The following ROBO2 variants were observed in gnomAD, a reference collection of about 807,000 sequenced individuals.
The protein encoded by ROBO2 is roundabout homolog 2.
In ROBO2, 53 loss-of-function variants were observed where a neutral mutation model predicts 160.8. The ratio of observed to expected loss-of-function variants is 0.33; its 90% CI spans 0.26 to 0.41. The LOEUF (loss-of-function observed/expected upper bound fraction) is 0.41, where lower values mean the gene tolerates loss of function less well. Ranked by LOEUF, ROBO2 falls within the 10% of genes least tolerant of loss-of-function variation. The pLI, the probability that ROBO2 is intolerant of heterozygous loss-of-function variation, is 1.00. For synonymous variants in ROBO2, 664 were observed against 611.7 expected (o/e 1.09, Z -1.26); for missense variants, 1,577 against 1,722.4 (o/e 0.92, Z 1.49).
At chr3:76,434,615 G>T (rs1461711748) in intron 2 of ROBO2, 10 of 1,498,256 alleles carry the variant, frequency 6.7e-6, no homozygotes, top group Non-Finnish European at 8.4e-6. Flanking sequence ...TGGACTGCCT[G>T]GAGCAAAACG....
chr3:77,141,020 A>G (rs1452465971), intron 2 of ROBO2, among the ~76,000 whole-genome samples: 1 of 152,206 alleles, frequency 6.6e-6, no homozygotes, highest in African/African-American at 2.4e-5. Context: ...GTAATAGGAC[A>G]TTCATTGTCA....
intron 5 of ROBO2, among the ~76,000 whole-genome samples, chr3:77,516,121 T>A (rs533787966): frequency 2.6e-5 from 4 of 151,774 alleles, no homozygotes; most frequent in Non-Finnish European, 5.9e-5. Flanking sequence ...TAGACTTTAA[T>A]GAAGTTCTTT....
chr3:77,081,428 T>C (rs758698629), intron 1 of ROBO2, among the ~76,000 whole-genome samples: 14 of 152,162 alleles, frequency 9.2e-5, no homozygotes, highest in Non-Finnish European at 2.1e-4. Flanking sequence ...AGGATAGCCA[T>C]GAAGAAATGC....
At chr3:77,340,366 A>C (rs768790090) in intron 2 of ROBO2, among the ~76,000 whole-genome samples, 12 of 152,082 alleles carry the variant, frequency 7.9e-5, no homozygotes, top group Non-Finnish European at 1.3e-4. Context: ...ATGTCTCCTA[A>C]CATGGATTTG....
At chr3:76,600,129 A>G (rs991990637) in intron 2 of ROBO2, among the ~76,000 whole-genome samples, 29 of 152,130 alleles carry the variant, frequency 1.9e-4, no homozygotes, top group African/African-American at 5.8e-4. Context: ...ATTCCTATGT[A>G]CAGAATGGTA....
intron 2 of ROBO2, among the ~76,000 whole-genome samples, chr3:76,172,779 A>G (rs2073090747): frequency 6.6e-6 from 1 of 152,154 alleles, no homozygotes. Flanking sequence ...ACAATTTAAA[A>G]AATAGAAATT....
intron 2 of ROBO2, among the ~76,000 whole-genome samples, chr3:77,181,980 G>A (rs951125861): frequency 2.6e-5 from 4 of 151,982 alleles, no homozygotes; most frequent in African/African-American, 9.7e-5. Context: ...CACAAAATCA[G>A]TATGATTTTA....
rs990514983 is a variant in ROBO2 at position 77,040,494 on chromosome 3, A to G, written c.-292A>G. 27 of 1,299,984 alleles carry G rather than the reference A, an allele frequency of 2.1e-5. No homozygotes were observed. The African/African-American group carries it at 3.6e-4, about 17-fold the overall frequency. The allele number at this position is 1,299,984 out of a possible 1,614,324, so 80.5% of individuals were successfully genotyped here. A position where few individuals can be genotyped will look rare whatever the true frequency, so the allele number is the denominator to read the frequency against. ...AGCCTAAGGAGAGAGGGTTAGACACACTCGAATAATCCCTCTGGCTGGGCT... is the reference window on the plus strand; with the variant it reads ...AGCCTAAGGAGAGAGGGTTAGACACGCTCGAATAATCCCTCTGGCTGGGCT... On this transcript the variant is annotated 5_prime_UTR_variant, in exon 1 of 26. Transcript: ENST00000461745.
At chr3:76,434,029 G>T in intron 2 of ROBO2, 1 of 1,223,502 alleles carries the variant, frequency 8.2e-7, no homozygotes. Context: ...TGGCTGACAT[G>T]CAAAATCTGG....
intron 2 of ROBO2, among the ~76,000 whole-genome samples, chr3:77,017,442 T>C (rs527377908): frequency 6.6e-6 from 1 of 152,324 alleles, no homozygotes; most frequent in South Asian, 2.1e-4. Context: ...ATTAAATGTA[T>C]ATTAAGTAGA....
intron 2 of ROBO2, among the ~76,000 whole-genome samples, chr3:76,964,286 A>G (rs1385346634): frequency 6.6e-6 from 1 of 152,084 alleles, no homozygotes; most frequent in Admixed American, 6.6e-5. Flanking sequence ...TAATTATTTG[A>G]TCACCTTTTG....
At chr3:77,219,191 A>G (rs1220524757) in intron 2 of ROBO2, among the ~76,000 whole-genome samples, 1 of 151,608 alleles carries the variant, frequency 6.6e-6, no homozygotes, top group Admixed American at 6.6e-5. Flanking sequence ...GCTGGTCTCG[A>G]ACTCAGCACC....
At position 77,259,811 on chromosome 3, in the gene ROBO2, G is replaced by A. The variant is rs1460694982; in HGVS notation, c.388+161471G>A. ...TTCCATTTGACCCCAACCTCTAGCT[G>A]TTCCAACCTCAGAACCAATATTTAT... On this transcript the variant is annotated intron_variant, in intron 2 of 25. Coordinates refer to ENST00000461745, the Ensembl canonical transcript of ROBO2. 2.0e-5 allele frequency among the ~76,000 whole-genome samples: 3 copies of A among 152,212 alleles called. No individual in the cohort carries two copies. In the South Asian group the frequency reaches 6.2e-4, roughly 31 times the overall value.
chr3:77,216,833 C>T (rs978360381), intron 2 of ROBO2, among the ~76,000 whole-genome samples: 3 of 151,960 alleles, frequency 2.0e-5, no homozygotes, highest in African/African-American at 7.3e-5. Context: ...TTTAGAATGC[C>T]ATATTTTTTT....
chr3:76,897,693 C>T (rs529940144), intron 2 of ROBO2, among the ~76,000 whole-genome samples: 1 of 149,276 alleles, frequency 6.7e-6, no homozygotes, highest in East Asian at 2.0e-4. Context: ...GAAATTTATC[C>T]AGGATAGAGT....
At chr3:76,619,208 CG>C (rs1244297630) in intron 2 of ROBO2, among the ~76,000 whole-genome samples, 4 of 151,384 alleles carry the variant, frequency 2.6e-5, no homozygotes, top group Non-Finnish European at 4.4e-5. Context: ...GGCGTGGTAG[CG>C]GGCGCCTGTA....
At chr3:76,765,344 G>T (rs763548678) in intron 2 of ROBO2, among the ~76,000 whole-genome samples, 4 of 151,636 alleles carry the variant, frequency 2.6e-5, no homozygotes, top group African/African-American at 9.7e-5. Flanking sequence ...CTTAGTAGAA[G>T]GGTCAGAATT....
chr3:77,015,620 A>G (rs2062191612), intron 2 of ROBO2, among the ~76,000 whole-genome samples: 1 of 152,224 alleles, frequency 6.6e-6, no homozygotes. Context: ...AATATGGGCC[A>G]ATAATTTTCA....
chr3:77,566,343 A>T (rs956559849), intron 12 of ROBO2, among the ~76,000 whole-genome samples: 3 of 152,070 alleles, frequency 2.0e-5, no homozygotes, highest in Admixed American at 6.6e-5. Flanking sequence ...CTGTCTCTTG[A>T]GAAAGAAAAA....
Sources: gnomAD v4.1 joint callset for allele counts (sites outside exome capture counted in the v4.1 genomes callset) on GRCh38, gnomAD v4.1.1 for gene constraint, MANE v1.5 for transcripts, NCBI Gene and HGNC (gene_info 2026-07-23, HGNC 2026-07-21) for gene names.